OPCML: variants seen among roughly 807,000 people sequenced by gnomAD.
OPCML encodes opioid-binding protein/cell adhesion molecule.
A neutral mutation model predicts 37.8 loss-of-function variants in OPCML; 13 were observed. The ratio of observed to expected loss-of-function variants is 0.34; its 90% CI spans 0.22 to 0.55. The LOEUF (loss-of-function observed/expected upper bound fraction) is 0.55. Ranked by LOEUF, OPCML falls within the 20% of genes least tolerant of loss-of-function variation. The pLI, the probability that OPCML is intolerant of heterozygous loss-of-function variation, is 0.91. For synonymous variants in OPCML, 176 were observed against 168.8 expected, an observed-to-expected ratio of 1.04 and a Z score of -0.33; for missense variants, 341 against 435.6, an observed-to-expected ratio of 0.78 and a Z score of 1.93.
At chr11:132,804,668 C>A (rs778600288) in intron 2 of OPCML, among the ~76,000 whole-genome samples, 65 of 152,282 alleles carry the variant, frequency 4.3e-4, no homozygotes, top group Admixed American at 7.2e-4. Context: ...ACGACTTATG[C>A]TAAACTCTCT....
chr11:133,430,677 A>T (rs1460397220), intron 1 of OPCML, among the ~76,000 whole-genome samples: 1 of 152,252 alleles, frequency 6.6e-6, no homozygotes, highest in Non-Finnish European at 1.5e-5. Flanking sequence ...TTAGAGAAAA[A>T]TGCTGAAACA....
intron 4 of OPCML, among the ~76,000 whole-genome samples, chr11:132,481,792 A>T (rs1277809097): frequency 1.3e-5 from 2 of 151,028 alleles, no homozygotes; most frequent in Non-Finnish European, 3.0e-5. Flanking sequence ...ACTACATGGA[A>T]ACTGAACAAC....
intron 2 of OPCML, among the ~76,000 whole-genome samples, chr11:132,737,920 G>A (rs1212779948): frequency 3.3e-5 from 5 of 152,152 alleles, no homozygotes; most frequent in Admixed American, 6.5e-5. Flanking sequence ...GTATCTCTAC[G>A]CTCAGAATGA....
At position 133,212,214 on chromosome 11, in the gene OPCML, A is replaced by G. The variant is rs1939391824; in HGVS notation, c.62-269204T>C. Among the ~76,000 whole-genome samples, 1 of 152,094 alleles carries G rather than the reference A, an allele frequency of 6.6e-6. No individual in the cohort carries two copies. The highest frequency in any genetic ancestry group is 1.5e-5 in the Non-Finnish European group (1 of 68,016). On this transcript the variant is annotated intron_variant, in intron 1 of 7. Transcript: ENST00000524381. This position sits in a 1 kb window ranked among gnomAD's most constrained non-coding sequence, Gnocchi z 4.9. ...AACCAAACCAGCAAGGACAACAACAAAAGCAATTTTTCCTGCCCACCACCC... is the reference window on the plus strand; with the variant it reads ...AACCAAACCAGCAAGGACAACAACAGAAGCAATTTTTCCTGCCCACCACCC...
chr11:132,551,293 A>C (rs2096381126), intron 3 of OPCML, among the ~76,000 whole-genome samples: 1 of 152,166 alleles, frequency 6.6e-6, no homozygotes, highest in South Asian at 2.1e-4. Flanking sequence ...AGTGAAAGAG[A>C]TCTAACCTAA....
chr11:133,392,504 G>A (rs984789939), intron 1 of OPCML, among the ~76,000 whole-genome samples: 4 of 152,200 alleles, frequency 2.6e-5, no homozygotes, highest in African/African-American at 4.8e-5. Context: ...GGATCCTGTC[G>A]GAGGTGACTG....
At chr11:132,782,359 G>T (rs1011715894) in intron 2 of OPCML, among the ~76,000 whole-genome samples, 4 of 152,200 alleles carry the variant, frequency 2.6e-5, no homozygotes, top group African/African-American at 9.7e-5. Flanking sequence ...CCACGGAGCT[G>T]AATTAGGCTA....
chr11:133,242,238 A>G (rs11223409), intron 1 of OPCML, among the ~76,000 whole-genome samples: 21 of 152,152 alleles, frequency 1.4e-4, no homozygotes, highest in Non-Finnish European at 2.2e-4. Flanking sequence ...CGATTACCAC[A>G]TCACCAGGAG....
At chr11:132,948,857 T>C (rs931795527) in intron 1 of OPCML, among the ~76,000 whole-genome samples, 1 of 152,220 alleles carries the variant, frequency 6.6e-6, no homozygotes, top group East Asian at 1.9e-4. Flanking sequence ...AAATGCCCTA[T>C]GTACAAACTA....
intron 2 of OPCML, among the ~76,000 whole-genome samples, chr11:132,804,777 C>T (rs1466359454): frequency 6.6e-6 from 1 of 152,120 alleles, no homozygotes; most frequent in Non-Finnish European, 1.5e-5. Flanking sequence ...AATTGAGCTG[C>T]TTGTTAAAAC....
chr11:132,790,233 G>C (rs545117524), intron 2 of OPCML, among the ~76,000 whole-genome samples: 63 of 152,292 alleles, frequency 4.1e-4, no homozygotes, highest in African/African-American at 1.5e-3. Flanking sequence ...GTGTTATAGA[G>C]AGAGGCTGAT....
chr11:133,306,287 G>A (rs1942914826), intron 1 of OPCML, among the ~76,000 whole-genome samples: 1 of 152,158 alleles, frequency 6.6e-6, no homozygotes, highest in African/African-American at 2.4e-5. Context: ...TAATGACGCA[G>A]CAAAATACCA....
At chr11:132,519,798 A>G (rs2096288318) in intron 4 of OPCML, among the ~76,000 whole-genome samples, 1 of 152,118 alleles carries the variant, frequency 6.6e-6, no homozygotes, top group African/African-American at 2.4e-5. Context: ...GGGATTAATT[A>G]GGCTCTAAAC....
At chr11:132,609,931 G>T (rs149297415) in intron 3 of OPCML, among the ~76,000 whole-genome samples, 1 of 152,086 alleles carries the variant, frequency 6.6e-6, no homozygotes, top group Admixed American at 6.6e-5. Flanking sequence ...AATATCAATC[G>T]CAGAAGTTAT....
At chr11:133,448,140 T>C (rs375911542) in intron 1 of OPCML, among the ~76,000 whole-genome samples, 39 of 152,240 alleles carry the variant, frequency 2.6e-4, no homozygotes, top group African/African-American at 7.7e-4. Context: ...TTTTCTTTTA[T>C]GTTGTATTCT....
In OPCML at chr11:133,139,702, C is replaced by T. The variant is rs113059367; in HGVS notation, c.62-196692G>A. Among the ~76,000 whole-genome samples, 749 of 152,252 alleles carry T rather than the reference C, an allele frequency of 4.9e-3. 3 individuals are homozygous for T. The highest frequency in any genetic ancestry group is 0.017 in the African/African-American group (688 of 41,546). ...ACAGGGAATATCACCTTTGTTGGGC[C>T]ATGTCTAATTTTACATATGAATGCG... On this transcript the variant is annotated intron_variant, in intron 1 of 7. Coordinates refer to ENST00000524381, the MANE Select transcript of OPCML (RefSeq NM_001012393.5).
intron 2 of OPCML, among the ~76,000 whole-genome samples, chr11:132,731,027 A>T (rs1202236413): frequency 1.3e-5 from 2 of 152,178 alleles, no homozygotes; most frequent in Non-Finnish European, 1.5e-5. Flanking sequence ...TTGTTGTTTG[A>T]ATCTAGAGCT....
At chr11:132,537,173 G>A (rs561746083) in intron 3 of OPCML, among the ~76,000 whole-genome samples, 5 of 152,270 alleles carry the variant, frequency 3.3e-5, no homozygotes, top group Non-Finnish European at 7.4e-5. Context: ...TATATACATT[G>A]CTTCCTTTAA....
chr11:133,458,236 GTATA>G (rs1229448194), intron 1 of OPCML, among the ~76,000 whole-genome samples: 3 of 106,542 alleles, frequency 2.8e-5, no homozygotes, highest in Non-Finnish European at 4.9e-5. Context: ...ACACGTGTGT[GTATA>G]TATACACATA....
Sources: gnomAD v4.1 joint callset for allele counts (sites outside exome capture counted in the v4.1 genomes callset) on GRCh38, gnomAD v4.1.1 for gene constraint, Gnocchi (gnomAD v3.1) non-coding constraint, MANE v1.5 for transcripts, NCBI Gene and HGNC (gene_info 2026-07-23, HGNC 2026-07-21) for gene names.